The following PPP2R2B variants were observed in gnomAD, a reference collection of about 807,000 sequenced individuals.
The protein encoded by PPP2R2B is serine/threonine-protein phosphatase 2A 55 kDa regulatory subunit B beta isoform.
A neutral mutation model predicts 46.0 loss-of-function variants in PPP2R2B; 5 were observed. That is an observed-to-expected ratio of 0.11 (90% CI 0.06 to 0.23). The LOEUF is 0.23. Among genes scored for constraint, PPP2R2B ranks in the 10% least tolerant of loss-of-function variants. The pLI is 1.00. For missense variants in PPP2R2B, 367 were observed against 575.0 expected (o/e 0.64, Z 3.70); for synonymous variants, 215 against 206.7 (o/e 1.04, Z -0.34).
At chr5:146,790,448 T>C (rs1036551400) in intron 2 of PPP2R2B, among the ~76,000 whole-genome samples, 1 of 152,186 alleles carries the variant, frequency 6.6e-6, no homozygotes, top group African/African-American at 2.4e-5. Context: ...TGAGGGAACA[T>C]GCTGGGGGGT....
chr5:146,775,772 G>A (rs893291850), intron 2 of PPP2R2B, among the ~76,000 whole-genome samples: 1 of 152,070 alleles, frequency 6.6e-6, no homozygotes, highest in Non-Finnish European at 1.5e-5. Context: ...CTAATAAAAT[G>A]AATTCAGCAA....
intron 6 of PPP2R2B, among the ~76,000 whole-genome samples, chr5:146,642,228 G>C (rs1775270917): frequency 6.6e-6 from 1 of 152,134 alleles, no homozygotes; most frequent in African/African-American, 2.4e-5. Flanking sequence ...AGTGGCCTAA[G>C]GCATCATTTA....
At chr5:146,828,034 A>AGACAGT (rs1413036101) in intron 2 of PPP2R2B, among the ~76,000 whole-genome samples, 1 of 152,092 alleles carries the variant, frequency 6.6e-6, no homozygotes, top group Non-Finnish European at 1.5e-5. Context: ...ACAGAGACAG[A>AGACAGT]GACAGAGACA....
intron 2 of PPP2R2B, among the ~76,000 whole-genome samples, chr5:146,812,803 A>ATATATATATATG: frequency 5.7e-5 from 3 of 52,734 alleles, no homozygotes; most frequent in Non-Finnish European, 1.0e-4. Flanking sequence ...GTATATATAT[A>ATATATATATATG]TATATATATA....
At chr5:146,804,111 G>A (rs917449384) in intron 2 of PPP2R2B, among the ~76,000 whole-genome samples, 18 of 151,874 alleles carry the variant, frequency 1.2e-4, no homozygotes, top group African/African-American at 4.3e-4. Flanking sequence ...AGGTTGCAGC[G>A]AGCAGAGATC....
rs75439076 is a variant in PPP2R2B at position 146,908,049 on chromosome 5, A to G, written c.79+147616T>C. Among the ~76,000 whole-genome samples, 1,076 of 152,334 alleles carry G rather than the reference A, an allele frequency of 7.1e-3. 11 individuals carry two copies. Among genetic ancestry groups the G allele is most frequent in the African/African-American group, 0.024 (996 of 41,578 alleles). On this transcript the variant is annotated intron_variant, in intron 1 of 8. Transcript: ENST00000336640. Reference sequence around the variant, plus strand: ...GCATACCCACAGCCACGTTCTTTACATTAATTCTCACGTTTTGTCTTCTAA... The same window carrying G: ...GCATACCCACAGCCACGTTCTTTACGTTAATTCTCACGTTTTGTCTTCTAA...
intron 1 of PPP2R2B, among the ~76,000 whole-genome samples, chr5:147,033,954 C>T (rs1755912950): frequency 6.6e-6 from 1 of 152,064 alleles, no homozygotes; most frequent in Admixed American, 6.6e-5. Context: ...AAATTAAGTC[C>T]TTGACCTACT....
At chr5:146,706,530 T>C (rs555482046) in intron 2 of PPP2R2B, 160 of 1,154,924 alleles carry the variant, frequency 1.4e-4, no homozygotes, top group Non-Finnish European at 1.9e-4. Context: ...CCGCGCCATG[T>C]CCTACTTGGT....
intron 2 of PPP2R2B, among the ~76,000 whole-genome samples, chr5:147,071,110 C>T (rs1490079628): frequency 5.9e-5 from 9 of 152,032 alleles, no homozygotes; most frequent in African/African-American, 9.7e-5. Context: ...ATCAGAATGT[C>T]CTTTCGCTTG....
intron 2 of PPP2R2B, among the ~76,000 whole-genome samples, chr5:146,745,554 T>G (rs73322109): frequency 6.6e-6 from 1 of 152,090 alleles, no homozygotes; most frequent in Non-Finnish European, 1.5e-5. Context: ...ATTATTAGAG[T>G]CCTCTAGATT....
At chr5:146,835,502 T>C (rs775125805) in intron 2 of PPP2R2B, among the ~76,000 whole-genome samples, 2 of 152,132 alleles carry the variant, frequency 1.3e-5, no homozygotes, top group Non-Finnish European at 2.9e-5. Context: ...CTGTCCATAC[T>C]GAACTTGGGG....
At chr5:146,790,752 T>C (rs1164809151) in intron 2 of PPP2R2B, among the ~76,000 whole-genome samples, 1 of 152,212 alleles carries the variant, frequency 6.6e-6, no homozygotes. Flanking sequence ...TTTTCTTCTC[T>C]GAAAATCCTA....
At chr5:146,847,528 C>A (rs1468127974) in intron 2 of PPP2R2B, among the ~76,000 whole-genome samples, 1 of 152,162 alleles carries the variant, frequency 6.6e-6, no homozygotes, top group Admixed American at 6.5e-5. Flanking sequence ...GCCTGCCTTG[C>A]AAGGGAAAGC....
intron 1 of PPP2R2B, among the ~76,000 whole-genome samples, chr5:147,020,107 G>A (rs1055038316): frequency 6.6e-6 from 1 of 152,044 alleles, no homozygotes; most frequent in African/African-American, 2.4e-5. Flanking sequence ...AGATGTTAGA[G>A]TTGCATCACT....
At chr5:146,913,896 C>T (rs956187531) in intron 1 of PPP2R2B, among the ~76,000 whole-genome samples, 1 of 152,188 alleles carries the variant, frequency 6.6e-6, no homozygotes, top group African/African-American at 2.4e-5. Context: ...GTGCTTTTCA[C>T]TTACTACTTA....
At chr5:146,757,888 C>T (rs192108899) in intron 2 of PPP2R2B, among the ~76,000 whole-genome samples, 73 of 152,246 alleles carry the variant, frequency 4.8e-4, no homozygotes, top group African/African-American at 1.7e-3. Context: ...CCATTTTCCA[C>T]AAAGCTTTGA....
At chr5:146,671,998 G>C (rs1777405838) in intron 5 of PPP2R2B, among the ~76,000 whole-genome samples, 1 of 152,184 alleles carries the variant, frequency 6.6e-6, no homozygotes, top group Non-Finnish European at 1.5e-5. Flanking sequence ...TAGAGGTTAA[G>C]AGAAAAATAA....
In PPP2R2B at chr5:146,617,698, C is replaced by CTCTT. The variant is rs749348866; in HGVS notation, c.791-17239_791-17238insAAGA. On this transcript the variant is annotated intron_variant, in intron 7 of 9. Transcript: ENST00000394411. Reference sequence around the variant, plus strand: ...TCCTCTCATCTCTCTCTCTCTCTCTCTTTTTTTTTTTTTTGAAGCAGAGTC... The same window carrying CTCTT: ...TCCTCTCATCTCTCTCTCTCTCTCTCTCTTTTTTTTTTTTTTTTGAAGCAGAGTC... 3.0e-3 allele frequency among the ~76,000 whole-genome samples: 421 copies of CTCTT among 141,710 alleles called. 3 individuals are homozygous for CTCTT. The highest frequency in any genetic ancestry group is 0.01 in the African/African-American group (396 of 37,816). 93.0% of individuals were successfully genotyped at this position (141,710 alleles called of 152,430 possible).
chr5:146,936,635 G>C (rs1764151575), intron 1 of PPP2R2B, among the ~76,000 whole-genome samples: 1 of 151,876 alleles, frequency 6.6e-6, no homozygotes, highest in Admixed American at 6.6e-5. Flanking sequence ...ATAGTAAGAG[G>C]ACATGCACAA....
Sources: gnomAD v4.1 joint callset for allele counts (sites outside exome capture counted in the v4.1 genomes callset) on GRCh38, gnomAD v4.1.1 for gene constraint, MANE v1.5 for transcripts, NCBI Gene and HGNC (gene_info 2026-07-23, HGNC 2026-07-21) for gene names.